The following SPOCK3 variants were observed in gnomAD, a reference collection of about 807,000 sequenced individuals.
SPOCK3 encodes the protein SPARC (osteonectin), cwcv and kazal like domains proteoglycan 3.
Under a neutral mutation model 56.6 loss-of-function variants are expected in SPOCK3, and 30 were observed. The observed-to-expected ratio is 0.53, with a 90% CI of 0.40 to 0.72. The LOEUF is 0.72. Among genes scored for constraint, SPOCK3 ranks in the 30% least tolerant of loss-of-function variants. The pLI, the probability that SPOCK3 is intolerant of heterozygous loss-of-function variation, is 0.00. For synonymous variants in SPOCK3, 196 were observed against 183.3 expected (o/e 1.07, Z -0.56); for missense variants, 527 against 530.0 (o/e 0.99, Z 0.06).
intron 6 of SPOCK3, among the ~76,000 whole-genome samples, chr4:166,863,489 G>A (rs1352868932): frequency 1.3e-5 from 2 of 152,058 alleles, no homozygotes; most frequent in South Asian, 2.1e-4. Context: ...GATAGAGACT[G>A]GCAAATTGGA....
intron 2 of SPOCK3, among the ~76,000 whole-genome samples, chr4:167,091,358 G>T (rs1009645333): frequency 1.3e-5 from 2 of 152,240 alleles, no homozygotes; most frequent in East Asian, 3.9e-4. Flanking sequence ...TAGGATCAGA[G>T]ATTTTGAAGA....
At chr4:167,045,608 T>C (rs1185371509) in intron 3 of SPOCK3, among the ~76,000 whole-genome samples, 3 of 152,218 alleles carry the variant, frequency 2.0e-5, no homozygotes, top group East Asian at 1.9e-4. Context: ...GTAGTTTCCC[T>C]AGAGTTTGTG....
rs188077563 is a variant in SPOCK3 at position 166,852,664 on chromosome 4, G to A, written c.589+36466C>T. 9.4e-4 allele frequency among the ~76,000 whole-genome samples: 143 copies of A among 152,292 alleles called. 1 individual carries two copies. Among genetic ancestry groups the A allele is most frequent in the African/African-American group, 3.2e-3 (134 of 41,566 alleles). ...TGTTTGTTTCTAGCTTCTGACCAGA[G>A]GCTATGCTTCCCAGGCTGTCAGTAT... On this transcript the variant is annotated intron_variant, in intron 6 of 10. Coordinates refer to ENST00000357545, the MANE Select transcript of SPOCK3 (RefSeq NM_001040159.2).
chr4:167,121,106 T>A (rs1761830803), intron 2 of SPOCK3, among the ~76,000 whole-genome samples: 1 of 151,636 alleles, frequency 6.6e-6, no homozygotes, highest in Non-Finnish European at 1.5e-5. Context: ...TTTTTTTAAA[T>A]CTATTTAAAA....
chr4:167,195,659 G>C (rs1427190738), intron 2 of SPOCK3, among the ~76,000 whole-genome samples: 1 of 152,196 alleles, frequency 6.6e-6, no homozygotes, highest in Non-Finnish European at 1.5e-5. Context: ...GGGTGTGTAT[G>C]ACTCTTTTCA....
intron 6 of SPOCK3, among the ~76,000 whole-genome samples, chr4:166,800,997 C>T (rs758771539): frequency 4.6e-5 from 7 of 152,140 alleles, no homozygotes; most frequent in Admixed American, 6.5e-5. Context: ...AAGATATGTT[C>T]AGCTTTACGA....
At chr4:167,058,112 C>A (rs558416684) in intron 3 of SPOCK3, among the ~76,000 whole-genome samples, 32 of 152,200 alleles carry the variant, frequency 2.1e-4, no homozygotes, top group African/African-American at 7.7e-4. Flanking sequence ...CCCTCTCTCA[C>A]CACTCCTATT....
chr4:167,147,381 C>T (rs1260185648), intron 2 of SPOCK3, among the ~76,000 whole-genome samples: 4 of 151,860 alleles, frequency 2.6e-5, no homozygotes, highest in African/African-American at 9.7e-5. Context: ...CAGAGGTACT[C>T]CATTGTGCAA....
intron 7 of SPOCK3, among the ~76,000 whole-genome samples, chr4:166,764,207 A>G (rs1422330058): frequency 2.6e-5 from 4 of 151,480 alleles, no homozygotes; most frequent in African/African-American, 9.7e-5. Context: ...CTTTTTTTTT[A>G]TACTTTAAGT....
intron 7 of SPOCK3, among the ~76,000 whole-genome samples, chr4:166,769,200 C>T (rs62355204): frequency 0.24 from 37,092 of 152,102 alleles, 5,538 homozygotes; most frequent in African/African-American, 0.41. Context: ...CAAAGTTATT[C>T]GCTGTCCAGC....
chr4:167,204,540 G>A (rs895790082), intron 2 of SPOCK3, among the ~76,000 whole-genome samples: 2 of 151,938 alleles, frequency 1.3e-5, no homozygotes, highest in Non-Finnish European at 2.9e-5. Context: ...TGAGAACACC[G>A]TGGGGGGACC....
intron 3 of SPOCK3, among the ~76,000 whole-genome samples, chr4:167,028,265 T>C (rs1460577460): frequency 6.6e-6 from 1 of 151,248 alleles, no homozygotes; most frequent in Non-Finnish European, 1.5e-5. Context: ...CATGCATTGC[T>C]ACTTGGGAGA....
At chr4:166,892,342 T>C (rs973778520) in intron 5 of SPOCK3, among the ~76,000 whole-genome samples, 2 of 151,908 alleles carry the variant, frequency 1.3e-5, no homozygotes, top group African/African-American at 4.8e-5. Context: ...TTTCTATGCA[T>C]TTCTATAAAG....
chr4:166,960,593 C>T (rs1381559243), intron 4 of SPOCK3, among the ~76,000 whole-genome samples: 1 of 152,128 alleles, frequency 6.6e-6, no homozygotes, highest in African/African-American at 2.4e-5. Context: ...CAGCCTCTTC[C>T]CTGAGTGTGA....
chr4:167,063,192 C>T (rs533254128), intron 2 of SPOCK3, among the ~76,000 whole-genome samples: 71 of 151,786 alleles, frequency 4.7e-4, no homozygotes, highest in African/African-American at 1.4e-3. Context: ...AATATATTTA[C>T]GATATACTTA....
intron 2 of SPOCK3, among the ~76,000 whole-genome samples, chr4:167,101,713 C>CTTTTTT (rs34604496): frequency 1.6e-5 from 2 of 126,318 alleles, no homozygotes; most frequent in Non-Finnish European, 1.7e-5. Flanking sequence ...AATTCTTACT[C>CTTTTTT]TTTTTTTTTT....
At chr4:166,769,231 G>T (rs1017904170) in intron 7 of SPOCK3, among the ~76,000 whole-genome samples, 6 of 152,192 alleles carry the variant, frequency 3.9e-5, no homozygotes, top group African/African-American at 1.4e-4. Context: ...TGCTGGGGAG[G>T]AGCTGCGTTC....
intron 6 of SPOCK3, among the ~76,000 whole-genome samples, chr4:166,818,806 C>G (rs1262520363): frequency 6.6e-6 from 1 of 151,994 alleles, no homozygotes; most frequent in Non-Finnish European, 1.5e-5. Context: ...AGATAAGACT[C>G]TTAAAATGCT....
intron 3 of SPOCK3, among the ~76,000 whole-genome samples, chr4:167,000,763 A>G (rs1748872308): frequency 1.3e-5 from 2 of 152,082 alleles, no homozygotes; most frequent in Non-Finnish European, 1.5e-5. Context: ...ACTGCCTTCT[A>G]AGCAGCAAAG....
Sources: gnomAD v4.1 joint callset for allele counts (sites outside exome capture counted in the v4.1 genomes callset) on GRCh38, gnomAD v4.1.1 for gene constraint, MANE v1.5 for transcripts, NCBI Gene and HGNC (gene_info 2026-07-23, HGNC 2026-07-21) for gene names.